The following KIF27 variants were observed in gnomAD, a reference collection of about 807,000 sequenced individuals.
KIF27 encodes kinesin family member 27, also known as kinesin-like protein KIF27.
Under a neutral mutation model 141.8 loss-of-function variants are expected in KIF27, and 84 were observed. The observed-to-expected ratio is 0.59, with a 90% CI of 0.50 to 0.71. The LOEUF is 0.71. Ranked by LOEUF, KIF27 falls within the 30% of genes least tolerant of loss-of-function variation. The probability of loss-of-function intolerance (pLI) is 0.00; values close to 1 mark genes in which losing one functional copy is unlikely to be tolerated. For synonymous variants in KIF27, 471 were observed against 569.5 expected (o/e 0.83, Z 2.46); for missense variants, 1,306 against 1,628.4 (o/e 0.80, Z 3.41).
chr9:83,883,073 CAAT>C (rs199851043), intron 10 of KIF27, among the ~76,000 whole-genome samples: 23,813 of 151,054 alleles, frequency 0.16, 2,055 homozygotes, highest in African/African-American at 0.23. Flanking sequence ...TGGCATAGTT[CAAT>C]AATAATAATA....
At chr9:83,874,878 G>A (rs1951081837) in intron 11 of KIF27, among the ~76,000 whole-genome samples, 1 of 148,130 alleles carries the variant, frequency 6.8e-6, no homozygotes. Context: ...AGGCTACAGT[G>A]AGCCATGATC....
intron 1 of KIF27, among the ~76,000 whole-genome samples, chr9:83,919,246 A>G (rs1398162397): frequency 6.6e-6 from 1 of 152,226 alleles, no homozygotes; most frequent in African/African-American, 2.4e-5. Flanking sequence ...AAACAGACTG[A>G]CATTTCTGCA....
chr9:83,901,433 G>A (rs900605711), intron 4 of KIF27, among the ~76,000 whole-genome samples: 4 of 152,280 alleles, frequency 2.6e-5, no homozygotes, highest in Non-Finnish European at 5.9e-5. Flanking sequence ...ATACAATTAT[G>A]AGGCTGAATT....
chr9:83,867,903 C>T (rs1950500916), intron 12 of KIF27, 43 bp from the exon 13 acceptor site: 5 of 1,521,208 alleles, frequency 3.3e-6, no homozygotes, highest in Non-Finnish European at 4.4e-6. Context: ...TTTCCTTCTG[C>T]CATAAAAATT....
At chr9:83,901,644 G>A (rs1303660451) in intron 4 of KIF27, among the ~76,000 whole-genome samples, 16 of 152,300 alleles carry the variant, frequency 1.1e-4, no homozygotes, top group African/African-American at 3.8e-4. Flanking sequence ...GGAGGCCGAG[G>A]CGGGCGGATC....
At chr9:83,850,562 C>T (rs1208935382) in intron 15 of KIF27, among the ~76,000 whole-genome samples, 2 of 151,860 alleles carry the variant, frequency 1.3e-5, no homozygotes, top group Non-Finnish European at 2.9e-5. Flanking sequence ...GGGGGGATCG[C>T]TTGAGGTGAG....
At position 83,837,029 on chromosome 9, in the gene KIF27, G is replaced by T. The variant is rs140974886; in HGVS notation, c.4178C>A (p.Ser1393Tyr). 9.9e-6 allele frequency: 16 copies of T among 1,613,836 alleles called. No individual in the cohort carries two copies. The highest frequency in any genetic ancestry group is 1.4e-5 in the Non-Finnish European group (16 of 1,179,876). Reference sequence around the variant, plus strand: ...AGTTTTTAAGTCCCTTGGTTTCCTAGATACTTCGATGGAATCAGCAGCCAT... The same window carrying T: ...AGTTTTTAAGTCCCTTGGTTTCCTATATACTTCGATGGAATCAGCAGCCAT... ...GSMAADSIEV[S>Y]RKPRDLKT The change falls in exon 18 of 18, where the codon TCT becomes TAT. Residue 1393 changes from serine to tyrosine, a missense_variant. Physicochemically the swap from Ser to Tyr is moderately radical, Grantham distance 144. Around this residue, in one of 4 missense-constraint regions of KIF27, gnomAD observed 148 missense variants for 250.9 expected, o/e 0.59. Transcript: ENST00000297814.
rs145768743 is a variant in KIF27, at chr9:83,899,965, G to T, written c.1459-161C>A. On this transcript the variant is annotated intron_variant, in intron 4 of 17. Coordinates refer to ENST00000297814, the MANE Select transcript of KIF27 (RefSeq NM_017576.4). ...GATTTCTTTCTAAGAAAGGCAGAAA[G>T]AGTTGAGAGAACCTACCATTGCTAT... Among the ~76,000 whole-genome samples, 11 of 152,302 alleles carry T rather than the reference G, an allele frequency of 7.2e-5. No homozygotes were observed. In the East Asian group the frequency reaches 2.1e-3, roughly 29 times the overall value.
intron 3 of KIF27, 52 bp from the exon 4 acceptor site, chr9:83,904,070 ATAGTT>A (rs1954231407): frequency 7.0e-7 from 1 of 1,419,982 alleles, no homozygotes; most frequent in East Asian, 2.3e-5. Flanking sequence ...AAAACCTAGT[ATAGTT>A]AACAGTTACC....
At chr9:83,893,471 A>G (rs1445576819) in intron 5 of KIF27, among the ~76,000 whole-genome samples, 1 of 152,072 alleles carries the variant, frequency 6.6e-6, no homozygotes, top group Non-Finnish European at 1.5e-5. Context: ...TCTGATCACA[A>G]TGCAATAAAA....
chr9:83,840,333 T>C (rs1946416756), intron 17 of KIF27, among the ~76,000 whole-genome samples: 1 of 152,088 alleles, frequency 6.6e-6, no homozygotes, highest in Non-Finnish European at 1.5e-5. Context: ...AATAGCAAAT[T>C]AGCTGAAATA....
At chr9:83,918,747 C>T (rs1955953544) in intron 1 of KIF27, among the ~76,000 whole-genome samples, 1 of 151,958 alleles carries the variant, frequency 6.6e-6, no homozygotes, top group African/African-American at 2.4e-5. Flanking sequence ...TCAAGACCAG[C>T]CTGGACAACA....
intron 16 of KIF27, among the ~76,000 whole-genome samples, chr9:83,844,999 G>A: frequency 6.6e-6 from 1 of 152,150 alleles, no homozygotes; most frequent in Non-Finnish European, 1.5e-5. Flanking sequence ...TCCACAACAG[G>A]AGAAGGCTCT....
At chr9:83,838,985 T>C (rs1946246371) in intron 17 of KIF27, among the ~76,000 whole-genome samples, 1 of 152,150 alleles carries the variant, frequency 6.6e-6, no homozygotes, top group Admixed American at 6.5e-5. Flanking sequence ...TCAGAGTCAC[T>C]GGGAAGCTTT....
intron 16 of KIF27, 71 bp from the exon 17 acceptor site, chr9:83,842,472 G>T (rs1587873370): frequency 1.0e-5 from 15 of 1,445,252 alleles, no homozygotes; most frequent in African/African-American, 4.5e-5. Flanking sequence ...TTGTTTGTTT[G>T]TTTTTTTTGA....
At chr9:83,842,207 T>C in intron 17 of KIF27, 30 bp downstream of exon 17, 7 of 1,509,974 alleles carry the variant, frequency 4.6e-6, no homozygotes, top group South Asian at 1.4e-5. Flanking sequence ...AGAGAAACAG[T>C]GTTAAGAGTG....
chr9:83,844,372 A>C (rs922291328), intron 16 of KIF27, among the ~76,000 whole-genome samples: 6 of 149,336 alleles, frequency 4.0e-5, no homozygotes, highest in Admixed American at 1.3e-4. Context: ...ATCTATATCT[A>C]TATATCTCCT....
At chr9:83,871,844 A>G (rs1950821584) in intron 11 of KIF27, among the ~76,000 whole-genome samples, 1 of 151,874 alleles carries the variant, frequency 6.6e-6, no homozygotes, top group African/African-American at 2.4e-5. Flanking sequence ...ATGTGCCACC[A>G]CACCTGGCTA....
At chr9:83,914,211 C>CAAA (rs374605136) in intron 2 of KIF27, among the ~76,000 whole-genome samples, 2 of 127,112 alleles carry the variant, frequency 1.6e-5, no homozygotes, top group Non-Finnish European at 1.7e-5. Flanking sequence ...ATTTGCCAAT[C>CAAA]AAAAAAAAAA....
Sources: allele counts gnomAD v4.1 joint callset (sites outside exome capture counted in the v4.1 genomes callset), GRCh38; gene constraint gnomAD v4.1.1; regional missense constraint gnomAD v4.1.1; transcripts MANE v1.5; gene names NCBI Gene and HGNC (gene_info 2026-07-23, HGNC 2026-07-21).